Variants in HAUS5 observed in about 807,000 individuals in gnomAD.
HAUS5 encodes HAUS augmin like complex subunit 5, also known as HAUS augmin-like complex subunit 5.
A neutral mutation model predicts 94.1 loss-of-function variants in HAUS5; 67 were observed. That is an observed-to-expected ratio of 0.71 (90% CI 0.58 to 0.87). HAUS5 has a LOEUF of 0.87. HAUS5 is among the 40% of genes least tolerant of loss of function. The pLI is 0.00. For missense variants in HAUS5, 739 were observed against 825.6 expected, an observed-to-expected ratio of 0.90 and a Z score of 1.29; for synonymous variants, 339 against 355.4, an observed-to-expected ratio of 0.95 and a Z score of 0.52.
At chr19:35,614,311 G>GATGA in intron 4 of HAUS5, 1 of 563,804 alleles carries the variant, frequency 1.8e-6, no homozygotes, top group Non-Finnish European at 3.2e-6. Flanking sequence ...GATCACCTGA[G>GATGA]GGCTCCAGGA....
intron 8 of HAUS5, 29 bp from the exon 9 acceptor site, chr19:35,617,826 G>A (rs940761695): frequency 2.6e-5 from 42 of 1,605,246 alleles, no homozygotes; most frequent in East Asian, 4.5e-5. Context: ...GTCTTGTAAC[G>A]TTCTCTGTCC....
In HAUS5 at chr19:35,615,376, G is replaced by A; in HGVS notation, c.475G>A (p.Asp159Asn). The change falls in exon 6 of 19, where the codon GAC becomes AAC. Residue 159 changes from aspartate to asparagine, a missense_variant. Physicochemically the swap from Asp to Asn is conservative, Grantham distance 23. Transcript: ENST00000203166. The stretch of plus-strand genomic sequence containing the variant: ...GCAGAATCAACTGAGGCGCCTGCAG[G>A]ACATGGAGAGGTGGGCCTCAGGGAC... ...RLQNQLRRLQ[D>N]MERKAKVDVT... 6.2e-7 allele frequency: 1 copy of A among 1,607,230 alleles called. No individual in the cohort carries two copies. The highest frequency in any genetic ancestry group is 8.5e-7 in the Non-Finnish European group (1 of 1,177,330).
At chr19:35,622,466 A>AT in intron 17 of HAUS5, 135 bp from the exon 18 acceptor site, 1 of 893,126 alleles carries the variant, frequency 1.1e-6, no homozygotes, top group South Asian at 1.6e-5. Context: ...TGGGAAGAGA[A>AT]GGAGACAGAC....
Position 35,618,935 on chromosome 19 carries a change from C to G in HAUS5, c.1065C>G (p.Leu355=), listed in dbSNP as rs529999379. The G allele has an allele frequency of 6.2e-7, 1 of 1,613,416 alleles. No homozygotes were observed. Among genetic ancestry groups the G allele is most frequent in the African/African-American group, 1.3e-5 (1 of 74,916 alleles). ...GLRRCCLWTE[L]KALHDQSQEL... ...GGCGCTGTTGCCTGTGGACGGAGCTCAAGGCCCTGCACGATCAGAGCCAGG... is the reference window on the plus strand; with the variant it reads ...GGCGCTGTTGCCTGTGGACGGAGCTGAAGGCCCTGCACGATCAGAGCCAGG... The change falls in exon 13 of 19, where the codon CTC becomes CTG. Residue 355 remains leucine, a synonymous_variant. Transcript: ENST00000203166.
In HAUS5 at chr19:35,622,676, AG is replaced by A; in HGVS notation, c.1728del (p.Lys576AsnfsTer3). 6.2e-7 allele frequency: 1 copy of A among 1,614,088 alleles called. No individual in the cohort carries two copies. The highest frequency in any genetic ancestry group is 8.5e-7 in the Non-Finnish European group (1 of 1,179,996). ...GGGCAGGCTCTGAAGAGGCTGGAGA[AG>A]CTACTGAAACAGGCACTGGAGCGAA... ...NLGQALKRLEKLLKQALERIP... is the reference protein window; with the variant it reads ...NLGQALKRLEXLLKQALERIP... On this transcript the variant is annotated frameshift_variant, in exon 18 of 19. Transcript: ENST00000203166. LOFTEE classifies it high-confidence loss of function.
intron 14 of HAUS5, 29 bp from the exon 15 acceptor site, chr19:35,619,584 G>GGGGCCCC: frequency 6.5e-6 from 10 of 1,533,786 alleles, no homozygotes; most frequent in Admixed American, 1.8e-5. Context: ...ATGTTGTGAT[G>GGGGCCCC]CCCCACCCAC....
Position 35,619,636 on chromosome 19 carries a change from G to A in HAUS5, c.1284G>A (p.Lys428=). Residue 428 remains lysine (K), a synonymous_variant, in exon 15 of 19, where the codon AAG becomes AAA. Transcript: ENST00000203166. ...AGGTGCTAGCTCTGGTCCAGCGAAA[G>A]GTGGTCCCTACATTTGAGGCAGTGG... ...PGEVLALVQR[K]VVPTFEAVAP... is the part of the protein sequence containing the mutation. 7.8e-7 allele frequency: 1 copy of A among 1,280,472 alleles called. No homozygotes were observed. 79.3% of individuals were successfully genotyped at this position (1,280,472 alleles called of 1,614,324 possible).
intron 13 of HAUS5, 109 bp from the exon 14 acceptor site, chr19:35,619,315 T>C (rs1050088709): frequency 2.2e-5 from 20 of 896,956 alleles, no homozygotes; most frequent in Non-Finnish European, 3.1e-5. Flanking sequence ...CTGGGCCTCC[T>C]AGGCAAGAGC....
intron 9 of HAUS5, 25 bp from the exon 10 acceptor site, chr19:35,618,046 C>T: frequency 6.3e-7 from 1 of 1,583,154 alleles, no homozygotes; most frequent in Non-Finnish European, 8.6e-7. Context: ...CGATCCTGCC[C>T]TGACTTCACC....
In HAUS5 at chr19:35,620,199, C is replaced by T. The variant is rs1967186997; in HGVS notation, c.1523C>T (p.Ser508Leu). 12 of 1,613,454 alleles carry T rather than the reference C, an allele frequency of 7.4e-6. No individual in the cohort carries two copies. The highest frequency in any genetic ancestry group is 9.3e-6 in the Non-Finnish European group (11 of 1,179,698). Reference sequence around the variant, plus strand: ...CGTCCTTCCCTCCTCCTCCAGGCCTCGGAGCTGCTCCTGCCGGCGGCTGCC... The same window carrying T: ...CGTCCTTCCCTCCTCCTCCAGGCCTTGGAGCTGCTCCTGCCGGCGGCTGCC... ...HKLGLPPGKASELLLPAAASL... is the reference protein window; with the variant it reads ...HKLGLPPGKALELLLPAAASL... The change falls in exon 17 of 19, where the codon TCG becomes TTG. Residue 508 changes from serine to leucine, a missense_variant. Physicochemically the swap from Ser to Leu is moderately radical, Grantham distance 145. Transcript: ENST00000203166.
At chr19:35,619,592 C>CA in intron 14 of HAUS5, 21 bp from the exon 15 acceptor site, 1 of 1,524,180 alleles carries the variant, frequency 6.6e-7, no homozygotes, top group Admixed American at 1.8e-5. Flanking sequence ...ATGCCCCACC[C>CA]ACCCCTCCCC....
intron 10 of HAUS5, 97 bp from the exon 11 acceptor site, chr19:35,618,305 C>T (rs1382736844): frequency 1.2e-6 from 2 of 1,601,784 alleles, no homozygotes; most frequent in Non-Finnish European, 1.7e-6. Context: ...AACTGAAACC[C>T]ACTGCCTGGT....
chr19:35,619,124 A>T (rs1028777541), intron 13 of HAUS5, 75 bp downstream of exon 13: 5 of 1,416,150 alleles, frequency 3.5e-6, no homozygotes, highest in Non-Finnish European at 4.7e-6. Flanking sequence ...ACTGGGCCTG[A>T]GCCCTGTGTG....
chr19:35,612,804 G>A lies in HAUS5; in HGVS notation c.10G>A (p.Ala4Thr). 1.3e-6 allele frequency: 2 copies of A among 1,547,284 alleles called. No individual in the cohort carries two copies. Among genetic ancestry groups the A allele is most frequent in the South Asian group, 2.4e-5 (2 of 83,728 alleles). Residue 4 changes from alanine to threonine, a missense_variant, in exon 1 of 19, where the codon GCG becomes ACG. Transcript: ENST00000203166. MEL[A>T]QEARELGCWA... is the part of the protein sequence containing the mutation. Reference sequence around the variant, plus strand: ...CCGCCGCGGCGCTGTCATGGAGCTAGCGCAGGAAGCGCGGGAACTGGGTTG... The same window carrying A: ...CCGCCGCGGCGCTGTCATGGAGCTAACGCAGGAAGCGCGGGAACTGGGTTG...
Position 35,625,125 on chromosome 19 carries a change from A to T in HAUS5, c.*2132A>T, listed in dbSNP as rs1450097967. The T allele has an allele frequency of 6.6e-6, 1 of 152,240 alleles. No individual in the cohort carries two copies. The highest frequency in any genetic ancestry group is 1.5e-5 in the Non-Finnish European group (1 of 68,048). 9.4% of individuals were successfully genotyped at this position (152,240 alleles called of 1,614,324 possible). A position where few individuals can be genotyped will look rare whatever the true frequency, so the allele number is the denominator to read the frequency against. On this transcript the variant is annotated 3_prime_UTR_variant, in exon 19 of 19. Transcript: ENST00000203166. ...CAGTAGTCACATTGTTAGTAATAACACTGGCATTTTTATTTTGATAAAATA... is the reference window on the plus strand; with the variant it reads ...CAGTAGTCACATTGTTAGTAATAACTCTGGCATTTTTATTTTGATAAAATA...
chr19:35,620,994 T>A lies in HAUS5; in HGVS notation c.1651+667T>A, dbSNP rs149537567. Among the ~76,000 whole-genome samples the A allele has an allele frequency of 1.3e-3, 204 of 152,350 alleles. 1 individual carries two copies. Among genetic ancestry groups the A allele is most frequent in the South Asian group, 0.013 (62 of 4,832 alleles). On this transcript the variant is annotated intron_variant, in intron 17 of 18. Transcript: ENST00000203166. ...TTAGAGAAGTCATTCATTCCTGGATTCACTCACCAAATACTGGGTGTCTAC... is the reference window on the plus strand; with the variant it reads ...TTAGAGAAGTCATTCATTCCTGGATACACTCACCAAATACTGGGTGTCTAC...
intron 8 of HAUS5, among the ~76,000 whole-genome samples, chr19:35,617,627 G>C (rs1046440565): frequency 6.6e-6 from 1 of 152,056 alleles, no homozygotes; most frequent in Non-Finnish European, 1.5e-5. Context: ...GGCAGGGAGG[G>C]GAGAGGTTCT....
Position 35,612,747 on chromosome 19 carries a change from C to A in HAUS5, c.-48C>A. On this transcript the variant is annotated 5_prime_UTR_variant, in exon 1 of 19. Transcript: ENST00000203166. ...CGCCCGTGACGTCAGAGGCGGGCGC[C>A]ACACTTGAAGAGGCTGAGGGAGGCG... is the stretch of plus-strand genomic sequence containing the variant. 1 of 1,395,700 alleles carries A rather than the reference C, an allele frequency of 7.2e-7. No individual in the cohort carries two copies. Among genetic ancestry groups the A allele is most frequent in the South Asian group, 1.3e-5 (1 of 76,580 alleles). 86.5% of individuals were successfully genotyped at this position (1,395,700 alleles called of 1,614,324 possible). A position where few individuals can be genotyped will look rare whatever the true frequency, so the allele number is the denominator to read the frequency against.
At chr19:35,618,028 C>A in intron 9 of HAUS5, 43 bp from the exon 10 acceptor site, 1 of 1,588,980 alleles carries the variant, frequency 6.3e-7, no homozygotes, top group Non-Finnish European at 8.6e-7. Flanking sequence ...CAGCTCACAG[C>A]CCTGCCCCGA....
Sources: gnomAD v4.1 joint callset for allele counts (sites outside exome capture counted in the v4.1 genomes callset) on GRCh38, gnomAD v4.1.1 for gene constraint, MANE v1.5 for transcripts, NCBI Gene and HGNC (gene_info 2026-07-23, HGNC 2026-07-21) for gene names.